IL1RL2: variants seen among roughly 807,000 people sequenced by gnomAD.
The protein encoded by IL1RL2 is interleukin-1 receptor-like 2.
Under a neutral mutation model 66.8 loss-of-function variants are expected in IL1RL2, and 68 were observed. That is an observed-to-expected ratio of 1.02 (90% CI 0.84 to 1.25). IL1RL2 has a LOEUF of 1.25. IL1RL2 is among the 50% of genes most tolerant of loss of function. IL1RL2 has a pLI of 0.00. For synonymous variants in IL1RL2, 305 were observed against 264.6 expected (o/e 1.15, Z -1.48); for missense variants, 729 against 709.3 (o/e 1.03, Z -0.32).
chr2:102,242,713 G>A (rs993058661), downstream of IL1RL2, among the ~76,000 whole-genome samples: 1 of 152,138 alleles, frequency 6.6e-6, no homozygotes, highest in Non-Finnish European at 1.5e-5. Flanking sequence ...TGATTCCTGC[G>A]CTAATCTCCG....
At chr2:102,223,328 A>C (rs935997702) in intron 8 of IL1RL2, among the ~76,000 whole-genome samples, 3 of 152,078 alleles carry the variant, frequency 2.0e-5, no homozygotes, top group African/African-American at 7.2e-5. Flanking sequence ...TTTGAATCTT[A>C]TTTGGTTTTT....
chr2:102,191,544 G>A (rs763310319), intron 3 of IL1RL2, among the ~76,000 whole-genome samples: 5 of 152,184 alleles, frequency 3.3e-5, no homozygotes, highest in African/African-American at 1.2e-4. Context: ...TTTAAGAACT[G>A]TAAGCAATTA....
At chr2:102,205,180 T>A (rs1688604348) in intron 5 of IL1RL2, among the ~76,000 whole-genome samples, 1 of 152,146 alleles carries the variant, frequency 6.6e-6, no homozygotes, top group Non-Finnish European at 1.5e-5. Flanking sequence ...GCTTTTTAAC[T>A]TTTTGTTGCT....
Position 102,201,650 on chromosome 2 carries a change from G to C in IL1RL2, c.584G>C (p.Cys195Ser). The C allele has an allele frequency of 6.2e-7, 1 of 1,614,110 alleles. No homozygotes were observed. Among genetic ancestry groups the C allele is most frequent in the Non-Finnish European group, 8.5e-7 (1 of 1,180,006 alleles). Reference protein sequence around the residue: ...VSAEDRGNYACQAILTHSGKQ... With the variant: ...VSAEDRGNYASQAILTHSGKQ... ...GCAGAGGACAGAGGGAACTACGCGT[G>C]TCAAGCCATACTGACACACTCAGGG... The change falls in exon 5 of 12, where the codon TGT becomes TCT. Residue 195 changes from cysteine to serine, a missense_variant. Coordinates refer to ENST00000264257, the MANE Select transcript of IL1RL2 (RefSeq NM_003854.4).
chr2:102,191,734 C>G (rs905511590), intron 3 of IL1RL2, among the ~76,000 whole-genome samples, 191 bp from the exon 4 acceptor site: 3 of 152,162 alleles, frequency 2.0e-5, no homozygotes, highest in African/African-American at 7.2e-5. Context: ...AAGGTGTTGT[C>G]CAGTTCCTCC....
At chr2:102,192,808 T>C (rs1241545122) in intron 4 of IL1RL2, among the ~76,000 whole-genome samples, 1 of 152,198 alleles carries the variant, frequency 6.6e-6, no homozygotes, top group Non-Finnish European at 1.5e-5. Context: ...GTCATGAGTT[T>C]TCTTTATGGG....
chr2:102,202,588 G>A (rs1021746031), intron 5 of IL1RL2, among the ~76,000 whole-genome samples: 12 of 151,728 alleles, frequency 7.9e-5, no homozygotes, highest in South Asian at 2.1e-4. Context: ...ATTTAATTTC[G>A]TTTAATTCCT....
chr2:102,229,204 T>C (rs1690907004), intron 9 of IL1RL2, among the ~76,000 whole-genome samples: 1 of 152,214 alleles, frequency 6.6e-6, no homozygotes, highest in Non-Finnish European at 1.5e-5. Flanking sequence ...CTTTTATATA[T>C]TATTGCCAAG....
chr2:102,193,607 C>T (rs1428725682), intron 4 of IL1RL2, among the ~76,000 whole-genome samples: 1 of 152,176 alleles, frequency 6.6e-6, no homozygotes, highest in Admixed American at 6.5e-5. Context: ...AGGCCTTGGC[C>T]TCCCAAAGTG....
chr2:102,188,964 TA>T, intron 2 of IL1RL2, 111 bp from the exon 3 acceptor site: 1 of 742,486 alleles, frequency 1.3e-6, no homozygotes, highest in Non-Finnish European at 2.2e-6. Flanking sequence ...AACTCCCAAA[TA>T]AAATTTCAAA....
intron 1 of IL1RL2, chr2:102,187,381 T>G: frequency 8.7e-7 from 1 of 1,151,122 alleles, no homozygotes; most frequent in Non-Finnish European, 1.1e-6. Flanking sequence ...AGCGGGTGTT[T>G]GGGGTTTCTG....
chr2:102,215,993 A>G (rs898423044), intron 6 of IL1RL2, among the ~76,000 whole-genome samples: 3 of 152,238 alleles, frequency 2.0e-5, no homozygotes, highest in African/African-American at 7.2e-5. Flanking sequence ...AACAGGAAAC[A>G]TGATACCTCA....
At chr2:102,199,797 C>A (rs984015506) in intron 4 of IL1RL2, among the ~76,000 whole-genome samples, 8 of 152,138 alleles carry the variant, frequency 5.3e-5, no homozygotes, top group Non-Finnish European at 1.2e-4. Context: ...AGAGACTGTG[C>A]CTAGCCAGAG....
At chr2:102,219,852 T>C (rs780695970) in intron 7 of IL1RL2, 29 bp from the exon 8 acceptor site, 2 of 1,579,888 alleles carry the variant, frequency 1.3e-6, no homozygotes, top group South Asian at 2.2e-5. Flanking sequence ...CTGACTCATG[T>C]ATTAATGACT....
Position 102,187,063 on chromosome 2 carries a change from T to C in IL1RL2, c.-36T>C. 3 of 1,289,858 alleles carry C rather than the reference T, an allele frequency of 2.3e-6. No individual in the cohort carries two copies. The highest frequency in any genetic ancestry group is 3.0e-6 in the Non-Finnish European group (3 of 988,856). The allele number at this position is 1,289,858 out of a possible 1,614,324, so 79.9% of individuals were successfully genotyped here. ...ATATTTTCCACTCTCCACGAGGTCCTGCGCGCTTCAATCCTGCAGGCAGGT... is the reference window on the plus strand; with the variant it reads ...ATATTTTCCACTCTCCACGAGGTCCCGCGCGCTTCAATCCTGCAGGCAGGT... On this transcript the variant is annotated 5_prime_UTR_variant, in exon 1 of 12. Coordinates refer to ENST00000264257, the MANE Select transcript of IL1RL2 (RefSeq NM_003854.4).
intron 4 of IL1RL2, among the ~76,000 whole-genome samples, chr2:102,196,022 T>G (rs1387446709): frequency 1.3e-5 from 2 of 152,012 alleles, no homozygotes; most frequent in Admixed American, 1.3e-4. Flanking sequence ...CCCTTATGCT[T>G]GTTAATTATT....
intron 9 of IL1RL2, 132 bp downstream of exon 9, chr2:102,226,173 T>C: frequency 1.6e-6 from 1 of 636,750 alleles, no homozygotes; most frequent in Non-Finnish European, 2.5e-6. Context: ...TCCTTGGAAC[T>C]GCCTGTGCTT....
intron 8 of IL1RL2, 110 bp downstream of exon 8, chr2:102,220,127 A>G: frequency 6.3e-6 from 6 of 956,064 alleles, no homozygotes; most frequent in Non-Finnish European, 8.8e-6. Flanking sequence ...TGAGGGTGAT[A>G]TTAAAGGGAC....
At chr2:102,228,798 C>T (rs1018934497) in intron 9 of IL1RL2, among the ~76,000 whole-genome samples, 4 of 152,226 alleles carry the variant, frequency 2.6e-5, no homozygotes, top group Admixed American at 2.0e-4. Context: ...ACAAGATCCA[C>T]TGTGTGCCAT....
Sources: allele counts gnomAD v4.1 joint callset (sites outside exome capture counted in the v4.1 genomes callset), GRCh38; gene constraint gnomAD v4.1.1; transcripts MANE v1.5; gene names NCBI Gene and HGNC (gene_info 2026-07-23, HGNC 2026-07-21).